Variants in CPNE8 observed in about 807,000 individuals in gnomAD.
The protein encoded by CPNE8 is copine 8.
A neutral mutation model predicts 81.5 loss-of-function variants in CPNE8; 45 were observed. The ratio of observed to expected loss-of-function variants is 0.55; its 90% CI spans 0.44 to 0.71. The LOEUF (loss-of-function observed/expected upper bound fraction) is 0.71, where lower values mean the gene tolerates loss of function less well. Among genes scored for constraint, CPNE8 ranks in the 30% least tolerant of loss-of-function variants. The probability of loss-of-function intolerance (pLI) is 0.00; values close to 1 mark genes in which losing one functional copy is unlikely to be tolerated. For missense variants in CPNE8, 594 were observed against 672.1 expected (o/e 0.88, Z 1.28); for synonymous variants, 252 against 226.3 (o/e 1.11, Z -1.02).
At chr12:38,904,011 C>G (rs1450248829) in intron 1 of CPNE8, among the ~76,000 whole-genome samples, 1 of 152,182 alleles carries the variant, frequency 6.6e-6, no homozygotes, top group Non-Finnish European at 1.5e-5. Flanking sequence ...AATACTTCTA[C>G]TACGGTTGCT....
intron 6 of CPNE8, among the ~76,000 whole-genome samples, chr12:38,803,603 A>G (rs1358780078): frequency 7.0e-6 from 1 of 142,948 alleles, no homozygotes; most frequent in Non-Finnish European, 1.5e-5. Context: ...GGCACAAGAC[A>G]GGGATGCCCT....
intron 5 of CPNE8, among the ~76,000 whole-genome samples, chr12:38,832,827 G>A (rs535880766): frequency 4.6e-5 from 7 of 151,778 alleles, no homozygotes; most frequent in South Asian, 2.1e-4. Flanking sequence ...CACTGCACCC[G>A]GGCTTGATTC....
intron 10 of CPNE8, among the ~76,000 whole-genome samples, chr12:38,747,075 C>T (rs1860242712): frequency 6.6e-6 from 1 of 152,222 alleles, no homozygotes; most frequent in African/African-American, 2.4e-5. Context: ...GATCTTCACA[C>T]ACTTTTCAGA....
intron 5 of CPNE8, among the ~76,000 whole-genome samples, chr12:38,835,490 A>C (rs1943364645): frequency 6.6e-6 from 1 of 152,186 alleles, no homozygotes; most frequent in Non-Finnish European, 1.5e-5. Context: ...CTTCAATTCC[A>C]AAATGTAAGC....
chr12:38,790,999 G>A (rs1257293954), intron 6 of CPNE8, among the ~76,000 whole-genome samples: 1 of 151,632 alleles, frequency 6.6e-6, no homozygotes, highest in Non-Finnish European at 1.5e-5. Context: ...TTTCACAGCA[G>A]TCTCAGACTA....
intron 1 of CPNE8, among the ~76,000 whole-genome samples, chr12:38,891,600 AC>A (rs1281838016): frequency 1.3e-5 from 2 of 151,954 alleles, no homozygotes; most frequent in Non-Finnish European, 2.9e-5. Flanking sequence ...GGCAGGCGCC[AC>A]CATGCCGGGC....
intron 5 of CPNE8, among the ~76,000 whole-genome samples, chr12:38,830,291 T>TTTTAA (rs968872549): frequency 2.0e-5 from 3 of 152,218 alleles, no homozygotes; most frequent in African/African-American, 4.8e-5. Context: ...TCACAAAAAT[T>TTTTAA]TTTAATTTAA....
chr12:38,742,779 G>C (rs1435389945), intron 10 of CPNE8, among the ~76,000 whole-genome samples: 1 of 151,688 alleles, frequency 6.6e-6, no homozygotes, highest in African/African-American at 2.4e-5. Context: ...TGTTTATTTT[G>C]TTCTATGTAC....
intron 19 of CPNE8, among the ~76,000 whole-genome samples, chr12:38,662,087 A>G (rs1335169718): frequency 6.6e-6 from 1 of 152,170 alleles, no homozygotes; most frequent in Non-Finnish European, 1.5e-5. Context: ...TTCCTCAAAG[A>G]ACTTGAACAA....
rs1944553525 is a variant in CPNE8 at position 38,905,378 on chromosome 12, A to G, written c.98+59T>C. On this transcript the variant is annotated intron_variant, in intron 1 of 19. Transcript: ENST00000331366. Reference sequence around the variant, plus strand: ...CCTCGTGGTACCCCGAGCGCTCTCCAAGTGCTACCAACCCCACAGATGAGA... The same window carrying G: ...CCTCGTGGTACCCCGAGCGCTCTCCGAGTGCTACCAACCCCACAGATGAGA... 4.6e-6 allele frequency: 7 copies of G among 1,528,700 alleles called. No homozygotes were observed. In the Admixed American group the frequency reaches 9.9e-5, roughly 22 times the overall value. The allele number at this position is 1,528,700 out of a possible 1,614,324, so 94.7% of individuals were successfully genotyped here. A position where few individuals can be genotyped will look rare whatever the true frequency, so the allele number is the denominator to read the frequency against.
At chr12:38,697,795 G>A (rs927463800) in intron 14 of CPNE8, among the ~76,000 whole-genome samples, 1 of 151,944 alleles carries the variant, frequency 6.6e-6, no homozygotes, top group Non-Finnish European at 1.5e-5. Context: ...AAAGGAGCAT[G>A]GTACCTCCTC....
Position 38,806,610 on chromosome 12 carries a change from A to G in CPNE8, c.407+22769T>C, listed in dbSNP as rs376825145. ...TACTGATGGGACGTATCTCAAAATA[A>G]TAAGAGCTATCTATGACAAACCCAC... On this transcript the variant is annotated intron_variant, in intron 6 of 19. Transcript: ENST00000331366. 7.7e-3 allele frequency among the ~76,000 whole-genome samples: 1,139 copies of G among 148,328 alleles called. 43 individuals are homozygous for G. Among genetic ancestry groups the G allele is most frequent in the Middle Eastern group, 0.017 (5 of 292 alleles).
chr12:38,731,735 A>T (rs1289414019), intron 10 of CPNE8, among the ~76,000 whole-genome samples: 1 of 151,898 alleles, frequency 6.6e-6, no homozygotes, highest in Non-Finnish European at 1.5e-5. Context: ...TCTAGAACTC[A>T]CTTTCAAGTT....
intron 10 of CPNE8, among the ~76,000 whole-genome samples, chr12:38,735,251 C>A (rs1565589883): frequency 9.8e-6 from 1 of 102,248 alleles, no homozygotes; most frequent in Non-Finnish European, 2.2e-5. Context: ...ATGGAGCAGT[C>A]ACGAAAATGA....
rs535913041 is a variant in CPNE8 at position 38,700,810 on chromosome 12, A to G, written c.961+2065T>C. On this transcript the variant is annotated intron_variant, in intron 14 of 19. Transcript: ENST00000331366. ...TCTCATAATAGTGAATAAGTCTCATAAGATCTGATGGTCTTATAAAGGGGA... is the reference window on the plus strand; with the variant it reads ...TCTCATAATAGTGAATAAGTCTCATGAGATCTGATGGTCTTATAAAGGGGA... 2.0e-5 allele frequency among the ~76,000 whole-genome samples: 3 copies of G among 152,218 alleles called. No homozygotes were observed. The South Asian group carries it at 6.2e-4, about 32-fold the overall frequency.
intron 8 of CPNE8, among the ~76,000 whole-genome samples, chr12:38,764,541 C>A (rs1257157507): frequency 7.2e-6 from 1 of 139,178 alleles, no homozygotes; most frequent in African/African-American, 2.7e-5. Context: ...GGCGTGAACC[C>A]GGGAGGCGGA....
At chr12:38,867,331 TGTGTGTGTGA>T (rs1339231246) in intron 3 of CPNE8, among the ~76,000 whole-genome samples, 19 of 143,810 alleles carry the variant, frequency 1.3e-4, no homozygotes, top group African/African-American at 5.0e-4. Flanking sequence ...TGTGTGTGTG[TGTGTGTGTGA>T]GAGAGAGAGA....
chr12:38,799,277 A>G (rs1227937698), intron 6 of CPNE8, among the ~76,000 whole-genome samples: 1 of 152,142 alleles, frequency 6.6e-6, no homozygotes, highest in African/African-American at 2.4e-5. Flanking sequence ...CTATTCCAAA[A>G]TTGACCACAT....
At position 38,723,806 on chromosome 12, in the gene CPNE8, T is replaced by C. The variant is rs1047308490; in HGVS notation, c.880A>G (p.Thr294Ala). 3 of 1,590,306 alleles carry C rather than the reference T, an allele frequency of 1.9e-6. No homozygotes were observed. The highest frequency in any genetic ancestry group is 1.3e-5 in the African/African-American group (1 of 74,268). Residue 294 changes from threonine (T) to alanine (A), a missense_variant, in exon 13 of 20, where the codon ACA becomes GCA. Transcript: ENST00000331366. ...ATGTAGTCAAGGAATGAAACTTCTG[T>C]TTCTACCAAGAAAGAGAGTAAAGTT... is the stretch of plus-strand genomic sequence containing the variant. Reference protein sequence around the residue: ...TVTLLSFLVETEVSFLDYIKG... With the variant: ...TVTLLSFLVEAEVSFLDYIKG...
Sources: allele counts gnomAD v4.1 joint callset (sites outside exome capture counted in the v4.1 genomes callset), GRCh38; gene constraint gnomAD v4.1.1; transcripts MANE v1.5; gene names NCBI Gene and HGNC (gene_info 2026-07-23, HGNC 2026-07-21).